The following MBD2 variants were observed in gnomAD, a reference collection of about 807,000 sequenced individuals.
MBD2 encodes methyl-CpG-binding domain protein 2.
MBD2 carries 9 observed loss-of-function variants against 39.3 expected under a neutral mutation model. The observed-to-expected ratio is 0.23, with a 90% CI of 0.14 to 0.40. The LOEUF (loss-of-function observed/expected upper bound fraction) is 0.40. Ranked by LOEUF, MBD2 falls within the 10% of genes least tolerant of loss-of-function variation. The pLI is 1.00. For synonymous variants in MBD2, 233 were observed against 211.1 expected, an observed-to-expected ratio of 1.10 and a Z score of -0.90; for missense variants, 458 against 532.6, an observed-to-expected ratio of 0.86 and a Z score of 1.38.
intron 2 of MBD2, among the ~76,000 whole-genome samples, chr18:54,193,183 C>CT (rs1471914065): frequency 2.0e-5 from 3 of 152,176 alleles, no homozygotes; most frequent in African/African-American, 7.2e-5. Flanking sequence ...AGTTGTGTGT[C>CT]TGAGTTTTTC....
chr18:54,156,765 A>T (rs1384014019), intron 6 of MBD2, among the ~76,000 whole-genome samples: 1 of 152,092 alleles, frequency 6.6e-6, no homozygotes, highest in East Asian at 1.9e-4. Context: ...AGGCAGGAGA[A>T]TCGCTTGAAC....
intron 2 of MBD2, among the ~76,000 whole-genome samples, chr18:54,193,436 A>T (rs1039072508): frequency 1.2e-4 from 19 of 152,246 alleles, no homozygotes; most frequent in Middle Eastern, 3.4e-3. Flanking sequence ...CTCAAATCAA[A>T]ATTTAATACA....
chr18:54,179,088 G>T (rs938161945), intron 3 of MBD2, among the ~76,000 whole-genome samples: 1 of 152,182 alleles, frequency 6.6e-6, no homozygotes, highest in African/African-American at 2.4e-5. Context: ...TACTCTAGAG[G>T]CTGAGGTGTG....
intron 2 of MBD2, among the ~76,000 whole-genome samples, chr18:54,196,757 C>A (rs1258416650): frequency 6.6e-6 from 1 of 152,124 alleles, no homozygotes; most frequent in Non-Finnish European, 1.5e-5. Flanking sequence ...AAGTCCAGAC[C>A]CTCTCAGAAA....
At chr18:54,158,698 T>C (rs767619735) in intron 6 of MBD2, among the ~76,000 whole-genome samples, 19 of 152,194 alleles carry the variant, frequency 1.2e-4, no homozygotes, top group Non-Finnish European at 2.5e-4. Flanking sequence ...CTCGGCTCAC[T>C]GCAACCTCTG....
Position 54,224,041 on chromosome 18 carries a change from G to C in MBD2, c.519C>G (p.Gly173=), listed in dbSNP as rs772888539. ...ACCTGAAGTAGTAGACATCGCTCTT[G>C]CCAGCACTTAGCCCAGATTTTCGGA... ...EVIRKSGLSA[G]KSDVYYFSPS... is the part of the protein sequence containing the mutation. The change falls in exon 1 of 7, where the codon GGC becomes GGG. Residue 173 remains glycine (G), a synonymous_variant. Transcript: ENST00000256429. 6.4e-7 allele frequency: 1 copy of C among 1,557,824 alleles called. No individual in the cohort carries two copies. Among genetic ancestry groups the C allele is most frequent in the Non-Finnish European group, 8.7e-7 (1 of 1,147,090 alleles).
chr18:54,171,630 C>T (rs913946385), intron 3 of MBD2, among the ~76,000 whole-genome samples: 16 of 152,238 alleles, frequency 1.1e-4, no homozygotes, highest in Middle Eastern at 3.4e-3. Flanking sequence ...GAAGAAAGGG[C>T]TTACCCAATG....
chr18:54,214,400 T>C (rs913151030), intron 1 of MBD2, among the ~76,000 whole-genome samples: 5 of 152,066 alleles, frequency 3.3e-5, no homozygotes, highest in Non-Finnish European at 7.4e-5. Context: ...AGTCTCACTA[T>C]GTTAGCCAGG....
chr18:54,215,570 T>G (rs968058838), intron 1 of MBD2, among the ~76,000 whole-genome samples: 9 of 149,688 alleles, frequency 6.0e-5, no homozygotes, highest in Non-Finnish European at 1.5e-5. Context: ...CTAGCTGCAA[T>G]CTGCAGTCTC....
At chr18:54,164,065 T>C (rs2086113891) in intron 5 of MBD2, among the ~76,000 whole-genome samples, 1 of 152,066 alleles carries the variant, frequency 6.6e-6, no homozygotes, top group Non-Finnish European at 1.5e-5. Context: ...TAAAAATTTT[T>C]TGTGGAGATG....
At chr18:54,193,170 C>A (rs2086335285) in intron 2 of MBD2, among the ~76,000 whole-genome samples, 1 of 152,180 alleles carries the variant, frequency 6.6e-6, no homozygotes, top group South Asian at 2.1e-4. Flanking sequence ...TTAATTTATG[C>A]CCAGTTGTGT....
chr18:54,197,656 G>A (rs190633442), intron 2 of MBD2, among the ~76,000 whole-genome samples: 3 of 152,098 alleles, frequency 2.0e-5, no homozygotes, highest in Admixed American at 2.0e-4. Flanking sequence ...CTCTACACAC[G>A]ACTCATCAGC....
rs111994866 is a variant in MBD2 at position 54,171,351 on chromosome 18, C to T, written c.841-5185G>A. On this transcript the variant is annotated intron_variant, in intron 3 of 6. Coordinates refer to ENST00000256429, the MANE Select transcript of MBD2 (RefSeq NM_003927.5). ...GGTGGAGGTTGCAGTGAGCTGGGAT[C>T]GCACCATTGCACTCCAGCCTGGGTG... is the stretch of plus-strand genomic sequence containing the variant. 5.4e-3 allele frequency among the ~76,000 whole-genome samples: 823 copies of T among 151,854 alleles called. 10 individuals carry two copies. Among genetic ancestry groups the T allele is most frequent in the African/African-American group, 0.017 (703 of 41,412 alleles).
At chr18:54,193,780 A>G (rs1160029909) in intron 2 of MBD2, among the ~76,000 whole-genome samples, 1 of 152,190 alleles carries the variant, frequency 6.6e-6, no homozygotes, top group East Asian at 1.9e-4. Context: ...CACAGATACC[A>G]TGGTCAGAAA....
intron 3 of MBD2, among the ~76,000 whole-genome samples, chr18:54,182,026 A>C (rs1305736264): frequency 1.3e-5 from 2 of 152,158 alleles, no homozygotes; most frequent in Non-Finnish European, 2.9e-5. Flanking sequence ...TACATTATCT[A>C]TACATGTATT....
chr18:54,198,139 T>C (rs904259709), intron 2 of MBD2, among the ~76,000 whole-genome samples: 3 of 152,246 alleles, frequency 2.0e-5, no homozygotes, highest in African/African-American at 7.2e-5. Flanking sequence ...CACTATGCCC[T>C]ACCAGGAGCT....
rs1308524894 is a variant in MBD2 at position 54,153,060 on chromosome 18, G to C, written c.*2264C>G. 1 of 152,306 alleles carries C rather than the reference G, an allele frequency of 6.6e-6. No individual in the cohort carries two copies. The highest frequency in any genetic ancestry group is 1.5e-5 in the Non-Finnish European group (1 of 68,096). 9.4% of individuals were successfully genotyped at this position (152,306 alleles called of 1,614,324 possible). On this transcript the variant is annotated 3_prime_UTR_variant, in exon 7 of 7. Transcript: ENST00000256429. ...GACTATGTGGAGGGATGGAGAGAGGGAAGGGGAAGAAAGTGGACAGGTGAG... is the reference window on the plus strand; with the variant it reads ...GACTATGTGGAGGGATGGAGAGAGGCAAGGGGAAGAAAGTGGACAGGTGAG...
At chr18:54,191,463 A>G (rs185206360) in intron 2 of MBD2, among the ~76,000 whole-genome samples, 117 of 152,356 alleles carry the variant, frequency 7.7e-4, no homozygotes, top group Middle Eastern at 3.4e-3. Flanking sequence ...CCAGAATTCT[A>G]GCTTCTCTTA....
chr18:54,199,954 T>C (rs981079394), intron 2 of MBD2, among the ~76,000 whole-genome samples: 1 of 152,180 alleles, frequency 6.6e-6, no homozygotes, highest in Non-Finnish European at 1.5e-5. Context: ...CACAAAATTT[T>C]TTATTATTGT....
Sources: allele counts gnomAD v4.1 joint callset (sites outside exome capture counted in the v4.1 genomes callset), GRCh38; gene constraint gnomAD v4.1.1; transcripts MANE v1.5; gene names NCBI Gene and HGNC (gene_info 2026-07-23, HGNC 2026-07-21).